Variants in CCDC62 observed in about 807,000 individuals in gnomAD.
The protein encoded by CCDC62 is coiled-coil domain-containing protein 62.
Under a neutral mutation model 80.8 loss-of-function variants are expected in CCDC62, and 72 were observed. The observed-to-expected ratio is 0.89, with a 90% CI of 0.74 to 1.08. The LOEUF (loss-of-function observed/expected upper bound fraction) is 1.08, where lower values mean the gene tolerates loss of function less well. Among genes scored for constraint, CCDC62 ranks in the 50% least tolerant of loss-of-function variants. The pLI is 0.00. For synonymous variants in CCDC62, 286 were observed against 296.5 expected, an observed-to-expected ratio of 0.96 and a Z score of 0.36; for missense variants, 704 against 809.4, an observed-to-expected ratio of 0.87 and a Z score of 1.58.
At chr12:122,817,411 A>G (rs956193110) in intron 11 of CCDC62, among the ~76,000 whole-genome samples, 1 of 148,798 alleles carries the variant, frequency 6.7e-6, no homozygotes, top group Non-Finnish European at 1.5e-5. Flanking sequence ...TCTTTCCTCC[A>G]CTTCCTGGGT....
intron 2 of CCDC62, among the ~76,000 whole-genome samples, chr12:122,779,296 A>G (rs1302903826): frequency 6.6e-6 from 1 of 152,216 alleles, no homozygotes; most frequent in Non-Finnish European, 1.5e-5. Flanking sequence ...TATGGCACCA[A>G]GGGAAAGCTG....
At chr12:122,780,427 C>A (rs1385202518) in intron 2 of CCDC62, among the ~76,000 whole-genome samples, 1 of 151,258 alleles carries the variant, frequency 6.6e-6, no homozygotes, top group Admixed American at 6.6e-5. Context: ...TCCTGGCTAA[C>A]ACGGTGAAAC....
At chr12:122,788,979 T>G in intron 5 of CCDC62, 50 bp downstream of exon 5, 1 of 1,411,802 alleles carries the variant, frequency 7.1e-7, no homozygotes, top group Non-Finnish European at 9.5e-7. Context: ...CTTGGGAATA[T>G]AGTTTTTCAT....
chr12:122,779,706 G>A lies in CCDC62; in HGVS notation c.230-1458G>A, dbSNP rs1239356584. Among the ~76,000 whole-genome samples the A allele has an allele frequency of 2.6e-5, 4 of 152,030 alleles. 1 individual carries two copies. On this transcript the variant is annotated intron_variant, in intron 2 of 12. Coordinates refer to ENST00000253079, the MANE Select transcript of CCDC62 (RefSeq NM_201435.5). The stretch of plus-strand genomic sequence containing the variant: ...GCGAATCACCTGAGGTCAAGGGTTC[G>A]AGGCCAACCTGGCCAACATGGTGAA...
intron 4 of CCDC62, among the ~76,000 whole-genome samples, chr12:122,788,143 T>A (rs1254121862): frequency 6.6e-6 from 1 of 151,978 alleles, no homozygotes; most frequent in Non-Finnish European, 1.5e-5. Flanking sequence ...TCCAGGTGAG[T>A]GGGGGAGGGA....
intron 8 of CCDC62, among the ~76,000 whole-genome samples, chr12:122,799,164 C>T (rs1470706729): frequency 6.6e-6 from 1 of 152,030 alleles, no homozygotes; most frequent in Non-Finnish European, 1.5e-5. Flanking sequence ...CGCAGGAAGA[C>T]CCAATCTAAG....
intron 11 of CCDC62, among the ~76,000 whole-genome samples, chr12:122,816,626 A>G (rs1415824917): frequency 6.6e-6 from 1 of 152,140 alleles, no homozygotes; most frequent in East Asian, 1.9e-4. Context: ...CCAGCAACTC[A>G]GGAGGCTGAG....
intron 11 of CCDC62, among the ~76,000 whole-genome samples, chr12:122,817,482 G>C (rs560943175): frequency 3.7e-4 from 56 of 151,952 alleles, no homozygotes; most frequent in African/African-American, 1.4e-3. Flanking sequence ...GAGCCACCAT[G>C]CCTGGTTAAT....
chr12:122,816,818 T>C lies in CCDC62; in HGVS notation c.2001+3399T>C, dbSNP rs530406976. 2.0e-5 allele frequency among the ~76,000 whole-genome samples: 3 copies of C among 152,182 alleles called. No homozygotes were observed. In the East Asian group the frequency reaches 5.8e-4, roughly 29 times the overall value. On this transcript the variant is annotated intron_variant, in intron 11 of 12. Coordinates refer to ENST00000253079, the MANE Select transcript of CCDC62 (RefSeq NM_201435.5). ...CAATTTGGTGGTTTTTTTTAAATCA[T>C]ATTAATAAAATCGTGCAGCCACTAC...
chr12:122,823,519 G>T (rs1044485303), intron 12 of CCDC62, 60 bp downstream of exon 12: 30 of 861,932 alleles, frequency 3.5e-5, no homozygotes, highest in Non-Finnish European at 5.2e-5. Context: ...AGTAACTTGG[G>T]AACATCGATA....
chr12:122,797,562 A>G (rs1405912364), intron 7 of CCDC62, among the ~76,000 whole-genome samples, 167 bp downstream of exon 7: 1 of 152,110 alleles, frequency 6.6e-6, no homozygotes, highest in African/African-American at 2.4e-5. Context: ...TTTTTTTGAG[A>G]CGGAGTCTCG....
At chr12:122,801,998 C>A in intron 9 of CCDC62, 146 bp downstream of exon 9, 1 of 849,788 alleles carries the variant, frequency 1.2e-6, no homozygotes, top group Non-Finnish European at 1.8e-6. Context: ...CCAATGGTTC[C>A]CTCTTTTCAT....
Position 122,774,678 on chromosome 12 carries a change from C to A in CCDC62, c.8C>A (p.Pro3His). ...GGGGCGGAGGAAACACCTATGAACC[C>A]TCCGGCAGCCTTCCTTGCCGGGCGC... is the stretch of plus-strand genomic sequence containing the variant. MNPPAAFLAGRQN... is the reference protein window; with the variant it reads MNHPAAFLAGRQN... The change falls in exon 1 of 13, where the codon CCT (proline) becomes CAT (histidine). Residue 3 changes from proline to histidine, a missense_variant. Coordinates refer to ENST00000253079, the MANE Select transcript of CCDC62 (RefSeq NM_201435.5). 1 of 1,255,316 alleles carries A rather than the reference C, an allele frequency of 8.0e-7. No homozygotes were observed. Among genetic ancestry groups the A allele is most frequent in the East Asian group, 3.1e-5 (1 of 32,348 alleles). The allele number at this position is 1,255,316 out of a possible 1,614,324, so 77.8% of individuals were successfully genotyped here. A position where few individuals can be genotyped will look rare whatever the true frequency, so the allele number is the denominator to read the frequency against.
intron 11 of CCDC62, 146 bp downstream of exon 11, chr12:122,813,565 T>A: frequency 1.4e-6 from 1 of 697,628 alleles, no homozygotes; most frequent in Non-Finnish European, 2.2e-6. Context: ...ATGCTTGTTT[T>A]AAGGAGGAAA....
intron 9 of CCDC62, 79 bp downstream of exon 9, chr12:122,801,931 C>T (rs11060064): frequency 0.043 from 61,096 of 1,413,224 alleles, 2,246 homozygotes; most frequent in East Asian, 0.23. Context: ...ATGGAAGCCA[C>T]GCCATACCTA....
chr12:122,801,232 G>C lies in CCDC62; in HGVS notation c.1086G>C (p.Leu362Phe), dbSNP rs777883090. The C allele has an allele frequency of 6.2e-7, 1 of 1,614,018 alleles. No homozygotes were observed. Among genetic ancestry groups the C allele is most frequent in the East Asian group, 2.2e-5 (1 of 44,898 alleles). The part of the protein sequence containing the change: ...LFKDQKFEAM[L>F]VQQNRSDKSS... ...AGGACCAGAAATTTGAAGCCATGTT[G>C]GTTCAGCAAAATAGGTCAGACAAGA... The change falls in exon 9 of 13, where the codon TTG (leucine) becomes TTC (phenylalanine). Residue 362 changes from leucine to phenylalanine, a missense_variant. Physicochemically the swap from Leu to Phe is conservative, Grantham distance 22. Transcript: ENST00000253079.
At chr12:122,788,473 C>G (rs767355599) in intron 4 of CCDC62, among the ~76,000 whole-genome samples, 2 of 152,138 alleles carry the variant, frequency 1.3e-5, no homozygotes, top group African/African-American at 4.8e-5. Flanking sequence ...GGTAGTGGTT[C>G]AGTACATAGT....
chr12:122,818,538 C>T (rs1406074679), intron 11 of CCDC62, among the ~76,000 whole-genome samples: 7 of 151,368 alleles, frequency 4.6e-5, no homozygotes, highest in Admixed American at 4.0e-4. Context: ...GGGGGAGGAT[C>T]GCTTGAGCAT....
intron 10 of CCDC62, among the ~76,000 whole-genome samples, chr12:122,811,330 G>A (rs1201531124): frequency 2.6e-3 from 378 of 146,678 alleles, no homozygotes; most frequent in African/African-American, 8.8e-3. Context: ...TCCTGCCTCA[G>A]CCTCCCTAGT....
Sources: gnomAD v4.1 joint callset for allele counts (sites outside exome capture counted in the v4.1 genomes callset) on GRCh38, gnomAD v4.1.1 for gene constraint, MANE v1.5 for transcripts, NCBI Gene and HGNC (gene_info 2026-07-23, HGNC 2026-07-21) for gene names.